MUC5B: variants seen among roughly 807,000 people sequenced by gnomAD.
The protein encoded by MUC5B is mucin 5B, oligomeric mucus/gel-forming.
MUC5B carries 116 observed loss-of-function variants against 376.9 expected under a neutral mutation model. The observed-to-expected ratio is 0.31, with a 90% CI of 0.26 to 0.36. The LOEUF (loss-of-function observed/expected upper bound fraction) is 0.36, where lower values mean the gene tolerates loss of function less well. Among genes scored for constraint, MUC5B ranks in the 10% least tolerant of loss-of-function variants. The pLI is 1.00. For missense variants in MUC5B, 7,165 were observed against 7,769.9 expected, an observed-to-expected ratio of 0.92 and a Z score of 2.93; for synonymous variants, 3,517 against 3,390.9, an observed-to-expected ratio of 1.04 and a Z score of -1.29.
chr11:1,249,734 C>G lies in MUC5B; in HGVS notation c.12854C>G (p.Pro4285Arg), dbSNP rs770504472. The G allele has an allele frequency of 1.3e-5, 21 of 1,611,426 alleles. 1 individual carries two copies. In the Admixed American group the frequency reaches 3.0e-4, roughly 23 times the overall value. ...TAPPPKVLTS[P>R]ATTPTATSSK... ...CCCCCTCCCAAAGTGCTGACCAGCC[C>G]GGCCACCACACCCACAGCCACCAGT... is the stretch of plus-strand genomic sequence containing the variant. Residue 4285 changes from proline to arginine, a missense_variant, in exon 31 of 49, where the codon CCG becomes CGG. Pro to Arg is a moderately radical substitution (Grantham distance 103). Coordinates refer to ENST00000529681, the MANE Select transcript of MUC5B (RefSeq NM_002458.3).
chr11:1,258,271 G>A lies in MUC5B; in HGVS notation c.16556-59G>A. ...GGGGTGGGGGAGTGCAGGATGGTGG[G>A]GGCGCTGGAGCACATGCTCCCCACC... On this transcript the variant is annotated intron_variant, in intron 42 of 48. Coordinates refer to ENST00000529681, the MANE Select transcript of MUC5B (RefSeq NM_002458.3). This position sits in a 1 kb window ranked among gnomAD's most constrained non-coding sequence, Gnocchi z 5.5. 1 of 1,593,180 alleles carries A rather than the reference G, an allele frequency of 6.3e-7. No individual in the cohort carries two copies. Among genetic ancestry groups the A allele is most frequent in the Non-Finnish European group, 8.5e-7 (1 of 1,169,940 alleles).
chr11:1,255,329 G>C, intron 36 of MUC5B, 54 bp from the exon 37 acceptor site: 2 of 1,373,644 alleles, frequency 1.5e-6, no homozygotes, highest in South Asian at 2.7e-5. Flanking sequence ...ATGCACGCAC[G>C]CACGCAGCTC....
chr11:1,255,148 GA>G lies in MUC5B; in HGVS notation c.15773del (p.Asp5258ValfsTer36). ...KTWLVPDSRK[D>X]GCWAPTGTPP... is the part of the protein sequence containing the mutation. ...GTGGCTGGTCCCCGACAGCAGAAAG[GA>G]TGGCTGCTGGGCCCCGACTGGCACA... On this transcript the variant is annotated frameshift_variant, in exon 36 of 49. Coordinates refer to ENST00000529681, the MANE Select transcript of MUC5B (RefSeq NM_002458.3). LOFTEE classifies it high-confidence loss of function. 6.4e-7 allele frequency: 1 copy of G among 1,570,174 alleles called. No homozygotes were observed. The highest frequency in any genetic ancestry group is 8.6e-7 in the Non-Finnish European group (1 of 1,159,056).
At position 1,246,225 on chromosome 11, in the gene MUC5B, G is replaced by A. The variant is rs373891009; in HGVS notation, c.9345G>A (p.Thr3115=). The A allele has an allele frequency of 3.7e-5, 59 of 1,606,508 alleles. 1 individual carries two copies. Among genetic ancestry groups the A allele is most frequent in the African/African-American group, 2.8e-4 (20 of 72,632 alleles). The part of the protein sequence containing the change: ...TSTVLTTKAT[T]TRATSSMSTP... ...CAGTGCTGACCACGAAGGCCACCAC[G>A]ACAAGGGCCACCAGTTCCATGTCCA... is the stretch of plus-strand genomic sequence containing the variant. Residue 3115 remains threonine (T), a synonymous_variant, in exon 31 of 49, where the codon ACG becomes ACA. Coordinates refer to ENST00000529681, the MANE Select transcript of MUC5B (RefSeq NM_002458.3).
In MUC5B at chr11:1,241,738, A is replaced by G; in HGVS notation, c.4858A>G (p.Thr1620Ala). ...PPPTTELETATTTTTQALFST... is the reference protein window; with the variant it reads ...PPPTTELETAATTTTQALFST... ...ACCGACCACAGAGCTGGAGACGGCCACCACCACCACCACCCAGGCCCTGTT... is the reference window on the plus strand; with the variant it reads ...ACCGACCACAGAGCTGGAGACGGCCGCCACCACCACCACCCAGGCCCTGTT... The change falls in exon 31 of 49, where the codon ACC becomes GCC. Residue 1620 changes from threonine (T) to alanine (A), a missense_variant. Physicochemically the swap from Thr to Ala is moderately conservative, Grantham distance 58. Coordinates refer to ENST00000529681, the MANE Select transcript of MUC5B (RefSeq NM_002458.3). 1 of 1,605,120 alleles carries G rather than the reference A, an allele frequency of 6.2e-7. No homozygotes were observed.
intron 39 of MUC5B, 79 bp downstream of exon 39, chr11:1,256,850 C>A: frequency 9.0e-7 from 1 of 1,107,642 alleles, no homozygotes; most frequent in South Asian, 1.6e-5. Flanking sequence ...CCGCCCAGGA[C>A]CATGATGTGC....
Position 1,258,963 on chromosome 11 carries a change from G to T in MUC5B, c.16615G>T (p.Ala5539Ser). ...GCAGGTTGGTGCAACCTTCCCAGGCGCCCTTCCCTGCCACATGTGTACCTG... is the reference window on the plus strand; with the variant it reads ...GCAGGTTGGTGCAACCTTCCCAGGCTCCCTTCCCTGCCACATGTGTACCTG... ...FYGVGATFPGALPCHMCTCLS... is the reference protein window; with the variant it reads ...FYGVGATFPGSLPCHMCTCLS... Residue 5539 changes from alanine (A) to serine (S), a missense_variant, in exon 44 of 49, where the codon GCC becomes TCC. Coordinates refer to ENST00000529681, the MANE Select transcript of MUC5B (RefSeq NM_002458.3). The surrounding 1 kb of genome is among the most constrained non-coding windows in gnomAD (Gnocchi z 5.5). 1.9e-6 allele frequency: 3 copies of T among 1,551,882 alleles called. No homozygotes were observed. Among genetic ancestry groups the T allele is most frequent in the Non-Finnish European group, 1.7e-6 (2 of 1,148,122 alleles).
Position 1,226,720 on chromosome 11 carries a change from T to C in MUC5B, c.305T>C (p.Val102Ala). ...CGCTTCCCTGGCCTTTGCAACTACG[T>C]GTTCTCTGAGCACTGCCGCGCCGCC... ...VFRFPGLCNY[V>A]FSEHCRAAYE... The change falls in exon 4 of 49, where the codon GTG becomes GCG. Residue 102 changes from valine (V) to alanine (A), a missense_variant. Around this residue, in one of 31 missense-constraint regions of MUC5B, gnomAD observed 640 missense variants for 733.0 expected, o/e 0.87. Transcript: ENST00000529681. The C allele has an allele frequency of 6.2e-7, 1 of 1,612,796 alleles. No homozygotes were observed. The highest frequency in any genetic ancestry group is 8.5e-7 in the Non-Finnish European group (1 of 1,179,808).
At position 1,236,483 on chromosome 11, in the gene MUC5B, T is replaced by C; in HGVS notation, c.2978T>C (p.Leu993Pro). 1 of 1,613,170 alleles carries C rather than the reference T, an allele frequency of 6.2e-7. No homozygotes were observed. Among genetic ancestry groups the C allele is most frequent in the East Asian group, 2.2e-5 (1 of 44,880 alleles). The change falls in exon 24 of 49, where the codon CTG becomes CCG. Residue 993 changes from leucine (L) to proline (P), a missense_variant. This residue lies in a region of MUC5B where 530 missense variants were observed against 604.0 expected (regional missense o/e 0.88). Transcript: ENST00000529681. The part of the protein sequence containing the change: ...PYKIRYMGIF[L>P]VIETHGMAVS... ...AAGATACGCTACATGGGGATCTTCC[T>C]GGTCATCGAGACCCACGGGATGGCC...
intron 1 of MUC5B, among the ~76,000 whole-genome samples, chr11:1,224,926 G>A (rs1564930172): frequency 2.0e-5 from 3 of 152,182 alleles, no homozygotes. Context: ...GAGCTCTGGG[G>A]TCCTGTGAAG....
Position 1,261,467 on chromosome 11 carries a change from C to T in MUC5B, c.17148C>T (p.Pro5716=), listed in dbSNP as rs1412340170. ...GGCGGGTCCACGAGGAGACGGTGCC[C>T]TTGCACTGTCCTAACGGCTCAGCCA... The part of the protein sequence containing the change: ...QERRVHEETV[P]LHCPNGSAIL... Residue 5716 remains proline, a synonymous_variant, in exon 49 of 49, where the codon CCC becomes CCT. Transcript: ENST00000529681. 1.3e-6 allele frequency: 2 copies of T among 1,559,636 alleles called. No homozygotes were observed.
At chr11:1,239,223 G>T in intron 26 of MUC5B, 196 bp downstream of exon 26, 1 of 899,434 alleles carries the variant, frequency 1.1e-6, no homozygotes, top group Non-Finnish European at 1.7e-6. Context: ...GGTTGCCCCA[G>T]CATGAGACAG....
rs369859216 is a variant in MUC5B at position 1,226,913 on chromosome 11, C to A, written c.461+37C>A. On this transcript the variant is annotated intron_variant, in intron 4 of 48. Transcript: ENST00000529681. ...ACCCTGGGGAGGGGCGAGGGCCGGG[C>A]CACACAGTGTGACCTCCCCACACGG... 1.9e-6 allele frequency: 3 copies of A among 1,596,638 alleles called. No individual in the cohort carries two copies. The African/African-American group carries it at 4.0e-5, about 21-fold the overall frequency.
Position 1,252,519 on chromosome 11 carries a change from C to T in MUC5B, c.15040C>T (p.Arg5014Trp), listed in dbSNP as rs773328489. 18 of 1,547,118 alleles carry T rather than the reference C, an allele frequency of 1.2e-5. No individual in the cohort carries two copies. The highest frequency in any genetic ancestry group is 2.7e-5 in the African/African-American group (2 of 73,092). Residue 5014 changes from arginine (R) to tryptophan (W), a missense_variant, in exon 32 of 49, where the codon CGG becomes TGG. Physicochemically the swap from Arg to Trp is moderately radical, Grantham distance 101. Transcript: ENST00000529681. ...APGCDNAIPL[R>W]QVNETWTLEN... Reference sequence around the variant, plus strand: ...TGGCTGTGACAATGCCATCCCTCTCCGGCAGGTGGGCCCCGCCTGCCCTCC... The same window carrying T: ...TGGCTGTGACAATGCCATCCCTCTCTGGCAGGTGGGCCCCGCCTGCCCTCC...
rs767223535 is a variant in MUC5B, at chr11:1,234,233, C to G, written c.2406C>G (p.Asp802Glu). ...GTGCAGCCCCCATGGTGTACCTGGA[C>G]TGCAGCAACAGCTCGGCGGGCACCC... ...TGCAAPMVYLDCSNSSAGTPG... is the reference protein window; with the variant it reads ...TGCAAPMVYLECSNSSAGTPG... Residue 802 changes from aspartate (D) to glutamate (E), a missense_variant, in exon 20 of 49, where the codon GAC becomes GAG. Physicochemically the swap from Asp to Glu is conservative, Grantham distance 45. Coordinates refer to ENST00000529681, the MANE Select transcript of MUC5B (RefSeq NM_002458.3). The surrounding 1 kb of genome is among the most constrained non-coding windows in gnomAD (Gnocchi z 6.3). 1.2e-6 allele frequency: 2 copies of G among 1,606,634 alleles called. No individual in the cohort carries two copies. Among genetic ancestry groups the G allele is most frequent in the South Asian group, 1.1e-5 (1 of 89,472 alleles).
Position 1,250,020 on chromosome 11 carries a change from C to T in MUC5B, c.13140C>T (p.Ser4380=), listed in dbSNP as rs748316146. 1.2e-6 allele frequency: 2 copies of T among 1,612,660 alleles called. No homozygotes were observed. Among genetic ancestry groups the T allele is most frequent in the Admixed American group, 1.7e-5 (1 of 59,928 alleles). ...ATTTRATSST[S]TPSSTPGTTW... is the part of the protein sequence containing the mutation. ...CGACAAGGGCCACCAGTTCCACGTC[C>T]ACCCCCTCCTCCACTCCGGGGACGA... Residue 4380 remains serine (S), a synonymous_variant, in exon 31 of 49, where the codon TCC becomes TCT. Coordinates refer to ENST00000529681, the MANE Select transcript of MUC5B (RefSeq NM_002458.3).
At chr11:1,238,008 C>T (rs751941934) in intron 25 of MUC5B, among the ~76,000 whole-genome samples, 15 of 152,218 alleles carry the variant, frequency 9.9e-5, no homozygotes, top group Non-Finnish European at 1.8e-4. Flanking sequence ...CATACTCGCT[C>T]GTGGGAGGCC....
rs774039317 is a variant in MUC5B, at chr11:1,252,976, C to T, written c.15213C>T (p.Cys5071=). The T allele has an allele frequency of 2.5e-6, 4 of 1,612,526 alleles. No individual in the cohort carries two copies. The highest frequency in any genetic ancestry group is 2.5e-6 in the Non-Finnish European group (3 of 1,179,814). ...PSQPCDFHYE[C]ECICSMWGGS... ...AGCCCTGTGACTTCCACTATGAGTG[C>T]GAGTGTGAGTGCGTCGGTGGCCGCG... The change falls in exon 33 of 49, where the codon TGC becomes TGT. Residue 5071 remains cysteine, a synonymous_variant. Coordinates refer to ENST00000529681, the MANE Select transcript of MUC5B (RefSeq NM_002458.3).
chr11:1,255,207 T>C lies in MUC5B; in HGVS notation c.15831T>C (p.Ser5277=), dbSNP rs777138393. ...CTGCCAGCCCCGCAGCCCCGGTGTC[T>C]AGCACACCCACCCCCACCCCATGCC... The part of the protein sequence containing the change: ...PPTASPAAPV[S]STPTPTPCPP... Residue 5277 remains serine (S), a synonymous_variant, in exon 36 of 49, where the codon TCT becomes TCC. Transcript: ENST00000529681. 23 of 1,532,510 alleles carry C rather than the reference T, an allele frequency of 1.5e-5. No individual in the cohort carries two copies. The highest frequency in any genetic ancestry group is 1.8e-5 in the Non-Finnish European group (21 of 1,135,326). 94.9% of individuals were successfully genotyped at this position (1,532,510 alleles called of 1,614,324 possible).
Sources: gnomAD v4.1 joint callset for allele counts (sites outside exome capture counted in the v4.1 genomes callset) on GRCh38, gnomAD v4.1.1 for gene constraint, gnomAD v4.1.1 regional missense constraint, Gnocchi (gnomAD v3.1) non-coding constraint, MANE v1.5 for transcripts, NCBI Gene and HGNC (gene_info 2026-07-23, HGNC 2026-07-21) for gene names.